Variants in AHSP observed in about 807,000 individuals in gnomAD.
AHSP encodes the protein alpha hemoglobin stabilizing protein.
Under a neutral mutation model 2.7 loss-of-function variants are expected in AHSP, and 5 were observed. That is an observed-to-expected ratio of 1.86 (90% CI 0.97 to 3.92). AHSP has a LOEUF of 3.92. AHSP is among the 30% of genes most tolerant of loss of function. AHSP has a pLI of 0.00. For synonymous variants in AHSP, 50 were observed against 48.4 expected (o/e 1.03, Z -0.14); for missense variants, 134 against 119.8 (o/e 1.12, Z -0.55).
chr16:31,528,158 A>G lies in AHSP; in HGVS notation c.19A>G (p.Asn7Asp), dbSNP rs944343308. 1 of 1,613,938 alleles carries G rather than the reference A, an allele frequency of 6.2e-7. No homozygotes were observed. Among genetic ancestry groups the G allele is most frequent in the Admixed American group, 1.7e-5 (1 of 60,008 alleles). The stretch of plus-strand genomic sequence containing the variant: ...CAGGCAGATGGCTCTTCTTAAGGCC[A>G]ATAAGGATCTCATTTCCGCAGGATT... MALLKA[N>D]KDLISAGLKE... Residue 7 changes from asparagine (N) to aspartate (D), a missense_variant, in exon 2 of 3, where the codon AAT (asparagine) becomes GAT (aspartate). Asn to Asp is a conservative substitution (Grantham distance 23, BLOSUM62 1). Coordinates refer to ENST00000302312, the MANE Select transcript of AHSP (RefSeq NM_016633.4).
rs1216838895 is a variant in AHSP at position 31,528,450 on chromosome 16, C to T, written c.76-8C>T. 4 of 1,612,646 alleles carry T rather than the reference C, an allele frequency of 2.5e-6. No homozygotes were observed. Among genetic ancestry groups the T allele is most frequent in the East Asian group, 2.2e-5 (1 of 44,880 alleles). On this transcript the variant is annotated splice_region_variant and splice_polypyrimidine_tract_variant and intron_variant, in intron 2 of 2. Transcript: ENST00000302312. ...TCCCTTGCCAACTGCCTCTCCGCAA[C>T]CCCCCAGGTCTTCAATGATCCTCTC...
In AHSP at chr16:31,528,476, G is replaced by T. The variant is rs555330651; in HGVS notation, c.94G>T (p.Val32Phe). 14 of 1,614,122 alleles carry T rather than the reference G, an allele frequency of 8.7e-6. No individual in the cohort carries two copies. The highest frequency in any genetic ancestry group is 1.2e-5 in the Non-Finnish European group (14 of 1,180,006). The change falls in exon 3 of 3, where the codon GTC becomes TTC. Residue 32 changes from valine to phenylalanine, a missense_variant. By Grantham distance (50) the Val-to-Phe change is conservative. Transcript: ENST00000302312. ...LNQQVFNDPL[V>F]SEEDMVTVVE... ...CCCCCAGGTCTTCAATGATCCTCTC[G>T]TCTCTGAAGAAGACATGGTGACTGT...
At position 31,528,451 on chromosome 16, in the gene AHSP, C is replaced by T; in HGVS notation, c.76-7C>T. On this transcript the variant is annotated splice_region_variant and splice_polypyrimidine_tract_variant and intron_variant, in intron 2 of 2. Transcript: ENST00000302312. ...CCCTTGCCAACTGCCTCTCCGCAAC[C>T]CCCCAGGTCTTCAATGATCCTCTCG... 1 of 1,613,484 alleles carries T rather than the reference C, an allele frequency of 6.2e-7. No individual in the cohort carries two copies. The highest frequency in any genetic ancestry group is 1.7e-5 in the Admixed American group (1 of 60,026).
rs961943828 is a variant in AHSP at position 31,528,778 on chromosome 16, T to C, written c.*87T>C. On this transcript the variant is annotated 3_prime_UTR_variant, in exon 3 of 3. Transcript: ENST00000302312. Reference sequence around the variant, plus strand: ...CTGCCACTCTACCCTGACACCTCAATAAAGACCAGTGCTGGTTTTGTTGGA... The same window carrying C: ...CTGCCACTCTACCCTGACACCTCAACAAAGACCAGTGCTGGTTTTGTTGGA... 5 of 1,214,022 alleles carry C rather than the reference T, an allele frequency of 4.1e-6. No individual in the cohort carries two copies. The African/African-American group carries it at 7.6e-5, about 18-fold the overall frequency. 75.2% of individuals were successfully genotyped at this position (1,214,022 alleles called of 1,614,324 possible). A position where few individuals can be genotyped will look rare whatever the true frequency, so the allele number is the denominator to read the frequency against.
At chr16:31,528,106 TA>T (rs770776625) in intron 1 of AHSP, 29 bp from the exon 2 acceptor site, 3 of 1,544,980 alleles carry the variant, frequency 1.9e-6, no homozygotes, top group Admixed American at 1.7e-5. Flanking sequence ...GGGAAACAGA[TA>T]TGTAAATTCT....
At chr16:31,528,271 A>G in intron 2 of AHSP, 57 bp downstream of exon 2, 2 of 1,520,038 alleles carry the variant, frequency 1.3e-6, no homozygotes, top group South Asian at 2.2e-5. Flanking sequence ...GGTGCCGGGG[A>G]AGTGGAGGAA....
In AHSP at chr16:31,527,936, G is replaced by C. The variant is rs2082738475; in HGVS notation, c.-31G>C. 5 of 623,412 alleles carry C rather than the reference G, an allele frequency of 8.0e-6. No individual in the cohort carries two copies. Among genetic ancestry groups the C allele is most frequent in the East Asian group, 2.9e-5 (1 of 34,690 alleles). The allele number at this position is 623,412 out of a possible 1,614,324, so 38.6% of individuals were successfully genotyped here. A position where few individuals can be genotyped will look rare whatever the true frequency, so the allele number is the denominator to read the frequency against. ...CACGCACCCTCAAGAGTGTGGGTGA[G>C]ACATATACAGCCTGTTAGACCTGAA... On this transcript the variant is annotated 5_prime_UTR_variant, in exon 1 of 3. Coordinates refer to ENST00000302312, the MANE Select transcript of AHSP (RefSeq NM_016633.4).
rs1407287551 is a variant in AHSP, at chr16:31,528,643, C to A, written c.261C>A (p.Asp87Glu). The A allele has an allele frequency of 6.2e-7, 1 of 1,613,878 alleles. No homozygotes were observed. Among genetic ancestry groups the A allele is most frequent in the Non-Finnish European group, 8.5e-7 (1 of 1,180,028 alleles). Residue 87 changes from aspartate (D) to glutamate (E), a missense_variant, in exon 3 of 3, where the codon GAC becomes GAA. Coordinates refer to ENST00000302312, the MANE Select transcript of AHSP (RefSeq NM_016633.4). ...LANPFLAKYRDFLKSHELPSH... is the reference protein window; with the variant it reads ...LANPFLAKYREFLKSHELPSH... ...ACCCTTTCCTGGCCAAGTACAGGGACTTCCTGAAGTCTCATGAGCTCCCGA... is the reference window on the plus strand; with the variant it reads ...ACCCTTTCCTGGCCAAGTACAGGGAATTCCTGAAGTCTCATGAGCTCCCGA...
rs1039178266 is a variant in AHSP, at chr16:31,528,742, A to G, written c.*51A>G. 1 of 1,504,554 alleles carries G rather than the reference A, an allele frequency of 6.6e-7. No individual in the cohort carries two copies. The highest frequency in any genetic ancestry group is 1.9e-5 in the Admixed American group (1 of 53,580). 93.2% of individuals were successfully genotyped at this position (1,504,554 alleles called of 1,614,324 possible). On this transcript the variant is annotated 3_prime_UTR_variant, in exon 3 of 3. Transcript: ENST00000302312. ...GAGAAACTCTGACCTTCATGTCCTTAGGCTGTGCTCCTGCCACTCTACCCT... is the reference window on the plus strand; with the variant it reads ...GAGAAACTCTGACCTTCATGTCCTTGGGCTGTGCTCCTGCCACTCTACCCT...
chr16:31,528,559 G>A lies in AHSP; in HGVS notation c.177G>A (p.Glu59=). The change falls in exon 3 of 3, where the codon GAG becomes GAA. Residue 59 remains glutamate (E), a synonymous_variant. Transcript: ENST00000302312. ...ATTACAGGCAGCAGGTGACAGGGGA[G>A]CCCCAAGAGCGAGACAAGGCTCTGC... The part of the protein sequence containing the change: ...INYYRQQVTG[E]PQERDKALQE... 6.2e-7 allele frequency: 1 copy of A among 1,614,138 alleles called. No individual in the cohort carries two copies. The highest frequency in any genetic ancestry group is 8.5e-7 in the Non-Finnish European group (1 of 1,180,026).
Position 31,528,215 on chromosome 16 carries a change from G to A in AHSP, c.75+1G>A, listed in dbSNP as rs1259922514. ...GTTCAGCGTTCTGCTGAATCAGCAG[G>A]TGAGTCCAAGCTTTCCATTTCAAAG... On this transcript the variant is annotated splice_donor_variant, in intron 2 of 2. Transcript: ENST00000302312. LOFTEE classifies it high-confidence loss of function. The A allele has an allele frequency of 1.2e-6, 2 of 1,613,418 alleles. No homozygotes were observed. Among genetic ancestry groups the A allele is most frequent in the African/African-American group, 1.3e-5 (1 of 74,906 alleles).
rs146072049 is a variant in AHSP at position 31,528,335 on chromosome 16, A to T, written c.75+121A>T. On this transcript the variant is annotated intron_variant, in intron 2 of 2. Transcript: ENST00000302312. ...GTGGAGTTGATGGAAACAACGAGAG[A>T]CACGGGATACAATGCAGAGGAAAGA... 8.8e-3 allele frequency: 11,358 copies of T among 1,295,246 alleles called. 60 individuals are homozygous for T. The highest frequency in any genetic ancestry group is 0.01 in the Non-Finnish European group (9,106 of 896,516). The allele number at this position is 1,295,246 out of a possible 1,614,324, so 80.2% of individuals were successfully genotyped here.
chr16:31,528,616 C>T lies in AHSP; in HGVS notation c.234C>T (p.Ala78=). 6.2e-7 allele frequency: 1 copy of T among 1,614,082 alleles called. No homozygotes were observed. The highest frequency in any genetic ancestry group is 8.5e-7 in the Non-Finnish European group (1 of 1,180,004). ...QELRQELNTL[A]NPFLAKYRDF... The stretch of plus-strand genomic sequence containing the variant: ...TTCGGCAAGAGCTGAACACTCTGGC[C>T]AACCCTTTCCTGGCCAAGTACAGGG... Residue 78 remains alanine (A), a synonymous_variant, in exon 3 of 3, where the codon GCC becomes GCT. Transcript: ENST00000302312.
chr16:31,528,495 T>G lies in AHSP; in HGVS notation c.113T>G (p.Val38Gly). The G allele has an allele frequency of 1.2e-6, 2 of 1,614,124 alleles. No homozygotes were observed. Among genetic ancestry groups the G allele is most frequent in the Non-Finnish European group, 1.7e-6 (2 of 1,180,016 alleles). The part of the protein sequence containing the change: ...NDPLVSEEDM[V>G]TVVEDWMNFY... ...CCTCTCGTCTCTGAAGAAGACATGG[T>G]GACTGTGGTGGAGGACTGGATGAAC... The change falls in exon 3 of 3, where the codon GTG becomes GGG. Residue 38 changes from valine (V) to glycine (G), a missense_variant. Coordinates refer to ENST00000302312, the MANE Select transcript of AHSP (RefSeq NM_016633.4).
Position 31,528,734 on chromosome 16 carries a change from A to C in AHSP, c.*43A>C, listed in dbSNP as rs1346018148. The C allele has an allele frequency of 6.5e-7, 1 of 1,544,180 alleles. No individual in the cohort carries two copies. Among genetic ancestry groups the C allele is most frequent in the South Asian group, 1.2e-5 (1 of 86,430 alleles). ...TCCTCTCTGAGAAACTCTGACCTTC[A>C]TGTCCTTAGGCTGTGCTCCTGCCAC... On this transcript the variant is annotated 3_prime_UTR_variant, in exon 3 of 3. Coordinates refer to ENST00000302312, the MANE Select transcript of AHSP (RefSeq NM_016633.4).
rs899200090 is a variant in AHSP at position 31,527,901 on chromosome 16, C to T, written c.-66C>T. The stretch of plus-strand genomic sequence containing the variant: ...CCTTGCCTACATCTATAGCTTGGCA[C>T]AGAGAGATTCACGCACCCTCAAGAG... On this transcript the variant is annotated 5_prime_UTR_variant, in exon 1 of 3. Transcript: ENST00000302312. 1 of 545,482 alleles carries T rather than the reference C, an allele frequency of 1.8e-6. No individual in the cohort carries two copies. The allele number at this position is 545,482 out of a possible 1,614,324, so 33.8% of individuals were successfully genotyped here.
At chr16:31,527,985 G>A in intron 1 of AHSP, 23 bp downstream of exon 1, 3 of 706,030 alleles carry the variant, frequency 4.2e-6, no homozygotes, top group South Asian at 3.0e-5. Flanking sequence ...TGGGAAAATC[G>A]TGACCTCAGA....
In AHSP at chr16:31,528,537, A is replaced by G. The variant is rs756842710; in HGVS notation, c.155A>G (p.Tyr52Cys). Residue 52 changes from tyrosine to cysteine, a missense_variant, in exon 3 of 3, where the codon TAC becomes TGC. Transcript: ENST00000302312. ...TGGATGAACTTCTACATCAACTATT[A>G]CAGGCAGCAGGTGACAGGGGAGCCC... is the stretch of plus-strand genomic sequence containing the variant. ...EDWMNFYINY[Y>C]RQQVTGEPQE... is the part of the protein sequence containing the mutation. 2.5e-6 allele frequency: 4 copies of G among 1,614,054 alleles called. No individual in the cohort carries two copies. In the African/African-American group the frequency reaches 5.3e-5, roughly 22 times the overall value.
rs775288853 is a variant in AHSP, at chr16:31,528,594, G to C, written c.212G>C (p.Arg71Pro). The C allele has an allele frequency of 6.2e-7, 1 of 1,613,934 alleles. No homozygotes were observed. The highest frequency in any genetic ancestry group is 8.5e-7 in the Non-Finnish European group (1 of 1,180,016). Residue 71 changes from arginine (R) to proline (P), a missense_variant, in exon 3 of 3, where the codon CGG becomes CCG. Transcript: ENST00000302312. ...QERDKALQEL[R>P]QELNTLANPF... ...CGAGACAAGGCTCTGCAGGAGCTTCGGCAAGAGCTGAACACTCTGGCCAAC... is the reference window on the plus strand; with the variant it reads ...CGAGACAAGGCTCTGCAGGAGCTTCCGCAAGAGCTGAACACTCTGGCCAAC...
Sources: allele counts gnomAD v4.1 joint callset, GRCh38; gene constraint gnomAD v4.1.1; transcripts MANE v1.5; gene names NCBI Gene and HGNC (gene_info 2026-07-23, HGNC 2026-07-21).